The following CAPN3 variants were observed in gnomAD, a reference collection of about 807,000 sequenced individuals.
CAPN3 encodes the protein calpain-3.
A neutral mutation model predicts 114.0 loss-of-function variants in CAPN3; 88 were observed. That is an observed-to-expected ratio of 0.77 (90% CI 0.65 to 0.92). The LOEUF (loss-of-function observed/expected upper bound fraction) is 0.92. CAPN3 is among the 40% of genes least tolerant of loss of function. CAPN3 has a pLI of 0.00. For missense variants in CAPN3, 1,028 were observed against 1,069.0 expected (o/e 0.96, Z 0.53); for synonymous variants, 386 against 382.9 (o/e 1.01, Z -0.09).
chr15:42,402,779 C>G lies in CAPN3; in HGVS notation c.1537-15C>G. On this transcript the variant is annotated splice_polypyrimidine_tract_variant and intron_variant, in intron 12 of 23. Transcript: ENST00000397163. ...CCGAGGGGCTCATGTGCCCTGGGCT[C>G]TCCCCATCTCTCAGATGCACGGGAA... 2 of 1,613,448 alleles carry G rather than the reference C, an allele frequency of 1.2e-6. No individual in the cohort carries two copies.
chr15:42,363,561 C>T (rs2052703330), intron 1 of CAPN3, among the ~76,000 whole-genome samples: 1 of 152,192 alleles, frequency 6.6e-6, no homozygotes, highest in Non-Finnish European at 1.5e-5. Context: ...CTCTGGGAAG[C>T]AAGCTGCCTG....
chr15:42,395,935 T>A (rs1311455754), intron 8 of CAPN3, among the ~76,000 whole-genome samples: 2 of 152,098 alleles, frequency 1.3e-5, no homozygotes, highest in Admixed American at 1.3e-4. Flanking sequence ...GGAGAGAGAG[T>A]GTGAAAACTG....
At chr15:42,381,330 C>T (rs545810574) in intron 1 of CAPN3, among the ~76,000 whole-genome samples, 1 of 152,102 alleles carries the variant, frequency 6.6e-6, no homozygotes, top group Non-Finnish European at 1.5e-5. Context: ...AATGAATTTC[C>T]TCTACTTTTG....
chr15:42,406,480 C>T (rs1469146539), intron 15 of CAPN3, among the ~76,000 whole-genome samples: 1 of 152,196 alleles, frequency 6.6e-6, no homozygotes, highest in Non-Finnish European at 1.5e-5. Flanking sequence ...ACATTCCAGG[C>T]ACTGTGCTTG....
intron 1 of CAPN3, among the ~76,000 whole-genome samples, chr15:42,368,835 T>G (rs531132377): frequency 6.6e-6 from 1 of 152,218 alleles, no homozygotes; most frequent in Non-Finnish European, 1.5e-5. Context: ...GTGGATCACT[T>G]GAGCCCAGGA....
At chr15:42,386,092 C>A in intron 2 of CAPN3, 75 bp from the exon 3 acceptor site, 1 of 1,023,888 alleles carries the variant, frequency 9.8e-7, no homozygotes, top group Non-Finnish European at 1.5e-6. Flanking sequence ...AGTGGAGTGG[C>A]TGGCTGGGAT....
At chr15:42,374,732 T>C (rs1442678197) in intron 1 of CAPN3, among the ~76,000 whole-genome samples, 1 of 151,812 alleles carries the variant, frequency 6.6e-6, no homozygotes, top group Non-Finnish European at 1.5e-5. Flanking sequence ...TAATACTTTA[T>C]GGGTCCCTGA....
intron 2 of CAPN3, among the ~76,000 whole-genome samples, chr15:42,385,213 G>A (rs1475375060): frequency 6.6e-6 from 1 of 152,206 alleles, no homozygotes; most frequent in South Asian, 2.1e-4. Flanking sequence ...TTGAGGAAAA[G>A]GGGGCACCTA....
At chr15:42,409,221 C>T in intron 16 of CAPN3, 82 bp from the exon 17 acceptor site, 2 of 1,378,184 alleles carry the variant, frequency 1.5e-6, no homozygotes, top group Non-Finnish European at 2.1e-6. Context: ...AGGCACTTGG[C>T]TCCCTTGGCC....
Position 42,409,816 on chromosome 15 carries a change from G to C in CAPN3, c.2022G>C (p.Lys674Asn). ...TGGAGATCTGTGCAGATGAGCTCAA[G>C]AAGGTCCTTAACACAGTCGTGAACA... ...DDMEICADELKKVLNTVVNKH... is the reference protein window; with the variant it reads ...DDMEICADELNKVLNTVVNKH... Residue 674 changes from lysine to asparagine, a missense_variant, in exon 18 of 24, where the codon AAG becomes AAC. Transcript: ENST00000397163. The C allele has an allele frequency of 6.6e-7, 1 of 1,526,354 alleles. No homozygotes were observed. The highest frequency in any genetic ancestry group is 8.9e-7 in the Non-Finnish European group (1 of 1,128,860). 94.6% of individuals were successfully genotyped at this position (1,526,354 alleles called of 1,614,324 possible). A position where few individuals can be genotyped will look rare whatever the true frequency, so the allele number is the denominator to read the frequency against.
chr15:42,370,456 G>A (rs1201137637), intron 1 of CAPN3, among the ~76,000 whole-genome samples: 2 of 152,146 alleles, frequency 1.3e-5, no homozygotes, highest in Non-Finnish European at 2.9e-5. Flanking sequence ...TAGTGCCTAC[G>A]ACCCAGTTGT....
At chr15:42,372,677 G>A (rs1018766440) in intron 1 of CAPN3, among the ~76,000 whole-genome samples, 1 of 151,730 alleles carries the variant, frequency 6.6e-6, no homozygotes, top group Non-Finnish European at 1.5e-5. Flanking sequence ...GTGAAACCTC[G>A]TCTCTACTAA....
In CAPN3 at chr15:42,409,935, G is replaced by A. The variant is rs778082413; in HGVS notation, c.2055G>A (p.Lys685=). 2 of 1,612,572 alleles carry A rather than the reference G, an allele frequency of 1.2e-6. No individual in the cohort carries two copies. The highest frequency in any genetic ancestry group is 1.7e-6 in the Non-Finnish European group (2 of 1,179,896). The change falls in exon 19 of 24, where the codon AAG becomes AAA. Residue 685 remains lysine, a synonymous_variant. Coordinates refer to ENST00000397163, the MANE Select transcript of CAPN3 (RefSeq NM_000070.3). ...CACTCTTCTCCATCCCCCCAGACAAGGACCTGAAGACACACGGGTTCACAC... is the reference window on the plus strand; with the variant it reads ...CACTCTTCTCCATCCCCCCAGACAAAGACCTGAAGACACACGGGTTCACAC... ...KVLNTVVNKH[K]DLKTHGFTLE... is the part of the protein sequence containing the mutation.
At chr15:42,409,106 G>A in intron 16 of CAPN3, 197 bp from the exon 17 acceptor site, 1 of 624,300 alleles carries the variant, frequency 1.6e-6, no homozygotes, top group South Asian at 1.9e-5. Flanking sequence ...GGGCGTCAGG[G>A]CTGGAGAGGT....
In CAPN3 at chr15:42,373,507, A is replaced by T. The variant is rs141206508; in HGVS notation, c.310-10976A>T. 4.0e-3 allele frequency among the ~76,000 whole-genome samples: 603 copies of T among 152,324 alleles called. 3 individuals are homozygous for T. The highest frequency in any genetic ancestry group is 0.014 in the African/African-American group (581 of 41,554). On this transcript the variant is annotated intron_variant, in intron 1 of 23. Transcript: ENST00000397163. ...CCTCCCATGTCAGCTCCCTGCTCTT[A>T]CATTAGAGCTGCCTATTTAAGCACA...
chr15:42,407,080 C>CT (rs1191229894), intron 15 of CAPN3, among the ~76,000 whole-genome samples: 1 of 152,050 alleles, frequency 6.6e-6, no homozygotes, highest in African/African-American at 2.4e-5. Context: ...ACAGCCTTGC[C>CT]TTCCCCCGGC....
intron 1 of CAPN3, among the ~76,000 whole-genome samples, chr15:42,375,519 TC>T (rs1490374563): frequency 6.6e-6 from 1 of 151,968 alleles, no homozygotes; most frequent in Non-Finnish European, 1.5e-5. Context: ...CAAAAAGGGT[TC>T]ACTGCATTTA....
At chr15:42,391,152 C>T (rs28364432) in intron 6 of CAPN3, among the ~76,000 whole-genome samples, 2,261 of 152,242 alleles carry the variant, frequency 0.015, 57 homozygotes, top group African/African-American at 0.052. Flanking sequence ...AATAGCTACA[C>T]AATATTCAAA....
chr15:42,402,412 C>T (rs2053898485), intron 12 of CAPN3: 2 of 1,438,254 alleles, frequency 1.4e-6, no homozygotes, highest in Non-Finnish European at 1.8e-6. Context: ...CTTACAGCCA[C>T]ACACACAGTC....
Sources: gnomAD v4.1 joint callset for allele counts (sites outside exome capture counted in the v4.1 genomes callset) on GRCh38, gnomAD v4.1.1 for gene constraint, MANE v1.5 for transcripts, NCBI Gene and HGNC (gene_info 2026-07-23, HGNC 2026-07-21) for gene names.